The following PDZD8 variants were observed in gnomAD, a reference collection of about 807,000 sequenced individuals.
PDZD8 encodes the protein PDZ domain-containing protein 8.
Under a neutral mutation model 85.8 loss-of-function variants are expected in PDZD8, and 14 were observed. The observed-to-expected ratio is 0.16, with a 90% CI of 0.11 to 0.26. The LOEUF (loss-of-function observed/expected upper bound fraction) is 0.26. Among genes scored for constraint, PDZD8 ranks in the 10% least tolerant of loss-of-function variants. PDZD8 has a pLI of 1.00. For synonymous variants in PDZD8, 592 were observed against 568.6 expected, an observed-to-expected ratio of 1.04 and a Z score of -0.59; for missense variants, 1,197 against 1,424.3, an observed-to-expected ratio of 0.84 and a Z score of 2.57.
At chr10:117,314,974 G>T (rs978038642) in intron 3 of PDZD8, among the ~76,000 whole-genome samples, 26 of 152,234 alleles carry the variant, frequency 1.7e-4, no homozygotes, top group East Asian at 1.2e-3. Context: ...GTACATAAAC[G>T]CTTGTTTCTA....
rs539086878 is a variant in PDZD8, at chr10:117,319,478, C to G, written c.996-504G>C. ...ACCTCAGGCAAATTATTTAACTTCT[C>G]TACGCTAAGCCCAACTCCTCCTCTA... On this transcript the variant is annotated intron_variant, in intron 2 of 4. Coordinates refer to ENST00000334464, the MANE Select transcript of PDZD8 (RefSeq NM_173791.5). Among the ~76,000 whole-genome samples, 4 of 151,670 alleles carry G rather than the reference C, an allele frequency of 2.6e-5. No individual in the cohort carries two copies. In the South Asian group the frequency reaches 8.3e-4, roughly 31 times the overall value.
chr10:117,283,918 T>A lies in PDZD8; in HGVS notation c.2815A>T (p.Ile939Phe). ...TTTAATAAACGAGAACTAGTATTGA[T>A]AATATGCCTTGTCAAACCTGTTGTT... ...NKTTGLTRHI[I>F]NTSSRLLNLR... Residue 939 changes from isoleucine (I) to phenylalanine (F), a missense_variant, in exon 5 of 5, where the codon ATC (isoleucine) becomes TTC (phenylalanine). Transcript: ENST00000334464. 6.2e-7 allele frequency: 1 copy of A among 1,614,182 alleles called. No individual in the cohort carries two copies.
intron 4 of PDZD8, among the ~76,000 whole-genome samples, chr10:117,287,677 G>A (rs532500623): frequency 3.3e-5 from 5 of 152,216 alleles, no homozygotes; most frequent in Admixed American, 1.3e-4. Flanking sequence ...AGATCCTCCT[G>A]ATAACTGGCC....
At chr10:117,340,218 C>T (rs903018614) in intron 2 of PDZD8, among the ~76,000 whole-genome samples, 10 of 152,158 alleles carry the variant, frequency 6.6e-5, no homozygotes, top group African/African-American at 2.4e-4. Context: ...TTATCACAAA[C>T]AATTCTCAAA....
At chr10:117,295,432 T>G (rs1275272644) in intron 3 of PDZD8, among the ~76,000 whole-genome samples, 1 of 152,174 alleles carries the variant, frequency 6.6e-6, no homozygotes, top group Non-Finnish European at 1.5e-5. Flanking sequence ...GCAAAATACA[T>G]TCTTTTAAAG....
At chr10:117,334,618 A>G (rs2133836301) in intron 2 of PDZD8, among the ~76,000 whole-genome samples, 1 of 152,320 alleles carries the variant, frequency 6.6e-6, no homozygotes, top group East Asian at 1.9e-4. Context: ...AACTGACAGA[A>G]CATTTGTTCA....
chr10:117,339,602 T>A (rs537956988), intron 2 of PDZD8, among the ~76,000 whole-genome samples: 1 of 152,328 alleles, frequency 6.6e-6, no homozygotes, highest in Non-Finnish European at 1.5e-5. Context: ...AAAAGAATAT[T>A]TTATAACATA....
intron 2 of PDZD8, among the ~76,000 whole-genome samples, chr10:117,333,037 T>C (rs911102752): frequency 7.0e-6 from 1 of 143,172 alleles, no homozygotes; most frequent in Non-Finnish European, 1.5e-5. Flanking sequence ...GAGAATCACT[T>C]GAACTTGGTA....
At chr10:117,357,517 A>T (rs1019487506) in intron 1 of PDZD8, among the ~76,000 whole-genome samples, 1 of 151,804 alleles carries the variant, frequency 6.6e-6, no homozygotes, top group African/African-American at 2.4e-5. Flanking sequence ...TGTAATCCCA[A>T]CATTTTGGGA....
intron 2 of PDZD8, among the ~76,000 whole-genome samples, chr10:117,337,044 A>G (rs1844527932): frequency 1.3e-5 from 2 of 151,932 alleles, no homozygotes; most frequent in East Asian, 3.9e-4. Context: ...AGCCGAGATC[A>G]TGCCACTGCA....
Position 117,375,213 on chromosome 10 carries a change from G to A in PDZD8, c.15C>T (p.Leu5=). Reference sequence around the variant, plus strand: ...CCAGCACGGCCGACGCCAGGATCATGAGCAGCAGCCCCATCCCGCCACCGC... The same window carrying A: ...CCAGCACGGCCGACGCCAGGATCATAAGCAGCAGCCCCATCCCGCCACCGC... MGLL[L]MILASAVLGS... Residue 5 remains leucine (L), a synonymous_variant, in exon 1 of 5, where the codon CTC becomes CTT. Transcript: ENST00000334464. The A allele has an allele frequency of 2.6e-6, 4 of 1,528,598 alleles. No homozygotes were observed. Among genetic ancestry groups the A allele is most frequent in the African/African-American group, 1.4e-5 (1 of 72,506 alleles). 94.7% of individuals were successfully genotyped at this position (1,528,598 alleles called of 1,614,324 possible).
rs1418384146 is a variant in PDZD8, at chr10:117,374,493, G to T, written c.735C>A (p.Phe245Leu). Reference protein sequence around the residue: ...RVPFTHWFFSFVEDPLIDFEV... With the variant: ...RVPFTHWFFSLVEDPLIDFEV... Reference sequence around the variant, plus strand: ...CGAAGTCGATCAGCGGGTCTTCCACGAAGGAGAAGAACCAGTGGGTGAAGG... The same window carrying T: ...CGAAGTCGATCAGCGGGTCTTCCACTAAGGAGAAGAACCAGTGGGTGAAGG... The change falls in exon 1 of 5, where the codon TTC (phenylalanine) becomes TTA (leucine). Residue 245 changes from phenylalanine (F) to leucine (L), a missense_variant. Physicochemically the swap from Phe to Leu is conservative, Grantham distance 22. Around this residue, in one of 4 missense-constraint regions of PDZD8, gnomAD observed 344 missense variants for 453.6 expected, o/e 0.76. Transcript: ENST00000334464. This position sits in a 1 kb window ranked among gnomAD's most constrained non-coding sequence, Gnocchi z 7.8. 1 of 1,613,682 alleles carries T rather than the reference G, an allele frequency of 6.2e-7. No homozygotes were observed. The highest frequency in any genetic ancestry group is 1.3e-5 in the African/African-American group (1 of 75,074).
chr10:117,353,032 T>C (rs1023372171), intron 1 of PDZD8, among the ~76,000 whole-genome samples: 10 of 152,130 alleles, frequency 6.6e-5, no homozygotes, highest in Non-Finnish European at 1.3e-4. Flanking sequence ...CCTAATACAA[T>C]GCCACTTTTA....
intron 1 of PDZD8, among the ~76,000 whole-genome samples, chr10:117,347,168 T>C (rs1351235688): frequency 6.6e-6 from 1 of 151,822 alleles, no homozygotes; most frequent in East Asian, 1.9e-4. Context: ...TCAACACAGA[T>C]GCGGGACAGG....
intron 3 of PDZD8, among the ~76,000 whole-genome samples, chr10:117,305,940 G>C (rs1843935909): frequency 6.6e-6 from 1 of 152,106 alleles, no homozygotes; most frequent in Non-Finnish European, 1.5e-5. Flanking sequence ...TAGCCCCTGT[G>C]AGTCTTAACC....
chr10:117,365,327 T>C (rs894411545), intron 1 of PDZD8, among the ~76,000 whole-genome samples: 1 of 152,136 alleles, frequency 6.6e-6, no homozygotes, highest in Non-Finnish European at 1.5e-5. Context: ...AAACTCAAGA[T>C]ACAGTAAGTT....
At position 117,373,604 on chromosome 10, in the gene PDZD8, C is replaced by CAA. The variant is rs796930758; in HGVS notation, c.872+750_872+751dup. ...GAAACTCCGTCTCTACTAAAAAATA[C>CAA]AAAAAAAAAAAAAAAAAAAAAAAAA... On this transcript the variant is annotated intron_variant, in intron 1 of 4. Transcript: ENST00000334464. Among the ~76,000 whole-genome samples the CAA allele has an allele frequency of 2.8e-3, 146 of 52,430 alleles. 3 individuals are homozygous for CAA. Among genetic ancestry groups the CAA allele is most frequent in the South Asian group, 3.7e-3 (4 of 1,074 alleles). 34.4% of individuals were successfully genotyped at this position (52,430 alleles called of 152,430 possible).
chr10:117,301,329 T>C (rs1843843922), intron 3 of PDZD8, among the ~76,000 whole-genome samples: 1 of 152,152 alleles, frequency 6.6e-6, no homozygotes, highest in African/African-American at 2.4e-5. Flanking sequence ...TCACCTTTGT[T>C]TGGCTTGCTT....
At chr10:117,310,971 T>A (rs980313243) in intron 3 of PDZD8, among the ~76,000 whole-genome samples, 2 of 152,204 alleles carry the variant, frequency 1.3e-5, no homozygotes, top group Non-Finnish European at 2.9e-5. Flanking sequence ...TCTTTTATAC[T>A]CTTTGTATGT....
Sources: allele counts gnomAD v4.1 joint callset (sites outside exome capture counted in the v4.1 genomes callset), GRCh38; gene constraint gnomAD v4.1.1; regional missense constraint gnomAD v4.1.1; non-coding constraint Gnocchi (gnomAD v3.1); transcripts MANE v1.5; gene names NCBI Gene and HGNC (gene_info 2026-07-23, HGNC 2026-07-21).